The following MACROD2 variants were observed in gnomAD, a reference collection of about 807,000 sequenced individuals.
The protein encoded by MACROD2 is mono-ADP ribosylhydrolase 2, also known as ADP-ribose glycohydrolase MACROD2.
A neutral mutation model predicts 70.4 loss-of-function variants in MACROD2; 36 were observed. That is an observed-to-expected ratio of 0.51 (90% CI 0.39 to 0.68). The LOEUF (loss-of-function observed/expected upper bound fraction) is 0.68, where lower values mean the gene tolerates loss of function less well. Ranked by LOEUF, MACROD2 falls within the 30% of genes least tolerant of loss-of-function variation. The pLI, the probability that MACROD2 is intolerant of heterozygous loss-of-function variation, is 0.00. For synonymous variants in MACROD2, 172 were observed against 178.8 expected (o/e 0.96, Z 0.30); for missense variants, 496 against 538.4 (o/e 0.92, Z 0.78).
chr20:15,700,621 T>C lies in MACROD2; in HGVS notation c.646-162124T>C, dbSNP rs1357529680. On this transcript the variant is annotated intron_variant, in intron 8 of 17. Coordinates refer to ENST00000684519, the MANE Select transcript of MACROD2 (RefSeq NM_001351661.2). ...TTTTTCTTAACTCAGCATTTACATGTAGCTTGGCCAAGTTAATTAACTGTA... is the reference window on the plus strand; with the variant it reads ...TTTTTCTTAACTCAGCATTTACATGCAGCTTGGCCAAGTTAATTAACTGTA... Among the ~76,000 whole-genome samples, 4 of 152,358 alleles carry C rather than the reference T, an allele frequency of 2.6e-5. No homozygotes were observed. In the East Asian group the frequency reaches 7.7e-4, roughly 29 times the overall value.
At position 15,949,001 on chromosome 20, in the gene MACROD2, T is replaced by C. The variant is rs957884647; in HGVS notation, c.907+11457T>C. ...ACATCCAAATAGGTCCAAATTTATA[T>C]GAGCATCCTTGTGATAATTTTCAAA... is the stretch of plus-strand genomic sequence containing the variant. On this transcript the variant is annotated intron_variant, in intron 12 of 17. Coordinates refer to ENST00000684519, the MANE Select transcript of MACROD2 (RefSeq NM_001351661.2). Among the ~76,000 whole-genome samples the C allele has an allele frequency of 3.3e-5, 5 of 152,224 alleles. No individual in the cohort carries two copies. The South Asian group carries it at 1.0e-3, about 31-fold the overall frequency.
At chr20:14,778,885 G>A (rs1275219814) in intron 5 of MACROD2, among the ~76,000 whole-genome samples, 1 of 152,122 alleles carries the variant, frequency 6.6e-6, no homozygotes. Flanking sequence ...AATGAGGGAA[G>A]CTCCAAAAGT....
intron 15 of MACROD2, among the ~76,000 whole-genome samples, chr20:16,014,715 T>C (rs1250615366): frequency 6.6e-6 from 1 of 152,194 alleles, no homozygotes; most frequent in Non-Finnish European, 1.5e-5. Context: ...ACACCTGACC[T>C]TCCTTCCATG....
chr20:15,642,472 G>C (rs1052456851), intron 8 of MACROD2, among the ~76,000 whole-genome samples: 2 of 151,936 alleles, frequency 1.3e-5, no homozygotes, highest in African/African-American at 4.8e-5. Context: ...CCCAGGTAAG[G>C]AATGTCTATG....
At chr20:15,374,205 C>T (rs145024520) in intron 6 of MACROD2, among the ~76,000 whole-genome samples, 215 of 151,818 alleles carry the variant, frequency 1.4e-3, no homozygotes, top group Admixed American at 2.8e-3. Context: ...GATATACGCA[C>T]ATACACACAT....
In MACROD2 at chr20:15,055,597, G is replaced by T. The variant is rs368070840; in HGVS notation, c.419-174343G>T. The stretch of plus-strand genomic sequence containing the variant: ...ACAGGAAGGTAAATTGGGAGGCGGG[G>T]ATGGGAAGGGAGGATCATCAGACCA... On this transcript the variant is annotated intron_variant, in intron 5 of 17. Coordinates refer to ENST00000684519, the MANE Select transcript of MACROD2 (RefSeq NM_001351661.2). 1.5e-4 allele frequency among the ~76,000 whole-genome samples: 23 copies of T among 152,154 alleles called. No homozygotes were observed. In the South Asian group the frequency reaches 3.9e-3, roughly 26 times the overall value.
intron 4 of MACROD2, among the ~76,000 whole-genome samples, chr20:14,586,604 A>G (rs1445730430): frequency 1.3e-5 from 2 of 152,092 alleles, no homozygotes; most frequent in African/African-American, 4.8e-5. Flanking sequence ...TGGTGATTTG[A>G]TCAAATTTCA....
intron 8 of MACROD2, among the ~76,000 whole-genome samples, chr20:15,779,222 C>T (rs2051788255): frequency 6.6e-6 from 1 of 152,072 alleles, no homozygotes; most frequent in Non-Finnish European, 1.5e-5. Flanking sequence ...TTGCATACAC[C>T]TTGATATCGA....
intron 3 of MACROD2, among the ~76,000 whole-genome samples, chr20:14,398,627 T>A (rs1331227785): frequency 6.6e-6 from 1 of 152,196 alleles, no homozygotes; most frequent in East Asian, 1.9e-4. Flanking sequence ...TTATTTGCTA[T>A]CAAATTGTTG....
At chr20:15,687,113 C>T (rs1240908632) in intron 8 of MACROD2, among the ~76,000 whole-genome samples, 1 of 150,582 alleles carries the variant, frequency 6.6e-6, no homozygotes, top group Admixed American at 6.6e-5. Context: ...TTCAGAATTG[C>T]TCCTCTTAGT....
chr20:15,597,801 G>T (rs181866763), intron 8 of MACROD2, among the ~76,000 whole-genome samples: 1 of 152,300 alleles, frequency 6.6e-6, no homozygotes, highest in Admixed American at 6.5e-5. Flanking sequence ...GAGGTCAGCC[G>T]GGCACGGTGG....
chr20:16,038,871 T>G (rs1303904718), intron 15 of MACROD2, among the ~76,000 whole-genome samples: 1 of 151,982 alleles, frequency 6.6e-6, no homozygotes, highest in Non-Finnish European at 1.5e-5. Context: ...AGCAGAGCAC[T>G]ATAATTCAAT....
At chr20:15,258,680 C>T (rs2077221675) in intron 6 of MACROD2, among the ~76,000 whole-genome samples, 1 of 151,988 alleles carries the variant, frequency 6.6e-6, no homozygotes, top group Non-Finnish European at 1.5e-5. Context: ...CCATCATTAA[C>T]CAATGCATGA....
At chr20:15,679,309 G>A (rs1195719838) in intron 8 of MACROD2, among the ~76,000 whole-genome samples, 1 of 151,926 alleles carries the variant, frequency 6.6e-6, no homozygotes, top group African/African-American at 2.4e-5. Context: ...TGAGCAGGGA[G>A]CACACATGTG....
intron 3 of MACROD2, among the ~76,000 whole-genome samples, chr20:14,404,598 C>A (rs367590316): frequency 6.7e-6 from 1 of 149,234 alleles, no homozygotes; most frequent in Non-Finnish European, 1.5e-5. Context: ...CCCCCATCTC[C>A]AAAAAAAAAA....
intron 4 of MACROD2, among the ~76,000 whole-genome samples, chr20:14,579,471 T>A (rs928125379): frequency 3.3e-5 from 5 of 152,238 alleles, no homozygotes; most frequent in African/African-American, 1.2e-4. Flanking sequence ...ACACACTCTT[T>A]GACAAGTGCA....
rs148647904 is a variant in MACROD2 at position 14,915,602 on chromosome 20, C to T, written c.418+230643C>T. Among the ~76,000 whole-genome samples the T allele has an allele frequency of 6.6e-5, 10 of 152,244 alleles. No homozygotes were observed. The East Asian group carries it at 1.5e-3, about 24-fold the overall frequency. ...TCTGTGCTTTGCTTGCCTCGGCGTC[C>T]GAGGAGCGGCTGTGCCCGACTGTGT... On this transcript the variant is annotated intron_variant, in intron 5 of 17. Coordinates refer to ENST00000684519, the MANE Select transcript of MACROD2 (RefSeq NM_001351661.2).
intron 5 of MACROD2, among the ~76,000 whole-genome samples, chr20:14,702,671 A>T: frequency 1.2e-5 from 1 of 80,320 alleles, no homozygotes; most frequent in East Asian, 5.6e-4. Flanking sequence ...GTGTATATAT[A>T]TATACACATA....
At chr20:14,436,597 A>T (rs1011939005) in intron 3 of MACROD2, among the ~76,000 whole-genome samples, 20 of 152,288 alleles carry the variant, frequency 1.3e-4, no homozygotes, top group African/African-American at 4.8e-4. Context: ...AGGCCGTATC[A>T]TTTCAGTTTT....
Sources: gnomAD v4.1 joint callset for allele counts (sites outside exome capture counted in the v4.1 genomes callset) on GRCh38, gnomAD v4.1.1 for gene constraint, MANE v1.5 for transcripts, NCBI Gene and HGNC (gene_info 2026-07-23, HGNC 2026-07-21) for gene names.